SH2D4A: variants seen among roughly 807,000 people sequenced by gnomAD.
SH2D4A encodes SH2 domain containing 4A, also known as SH2 domain-containing protein 4A.
SH2D4A carries 70 observed loss-of-function variants against 64.7 expected under a neutral mutation model. The ratio of observed to expected loss-of-function variants is 1.08; its 90% CI spans 0.89 to 1.32. The LOEUF is 1.32. SH2D4A is among the 40% of genes most tolerant of loss of function. The pLI is 0.00. For synonymous variants in SH2D4A, 268 were observed against 200.7 expected, an observed-to-expected ratio of 1.34 and a Z score of -2.83; for missense variants, 706 against 540.1, an observed-to-expected ratio of 1.31 and a Z score of -3.04.
At chr8:19,391,817 C>G (rs2053497856) in intron 8 of SH2D4A, among the ~76,000 whole-genome samples, 1 of 152,216 alleles carries the variant, frequency 6.6e-6, no homozygotes, top group Admixed American at 6.5e-5. Flanking sequence ...GCTGTACTAA[C>G]AAGACAAAAG....
At chr8:19,393,653 A>T in intron 9 of SH2D4A, 112 bp downstream of exon 9, 4 of 918,068 alleles carry the variant, frequency 4.4e-6, no homozygotes, top group African/African-American at 1.7e-5. Context: ...GGGAGGGGAC[A>T]GGGGTGGGGG....
At chr8:19,374,695 C>A (rs2053164274) in intron 8 of SH2D4A, among the ~76,000 whole-genome samples, 1 of 152,156 alleles carries the variant, frequency 6.6e-6, no homozygotes, top group Non-Finnish European at 1.5e-5. Context: ...TTTGGTGATT[C>A]AGACTTTGTT....
chr8:19,342,945 C>T (rs750153762), intron 4 of SH2D4A, among the ~76,000 whole-genome samples: 15 of 152,142 alleles, frequency 9.9e-5, no homozygotes, highest in Non-Finnish European at 1.8e-4. Flanking sequence ...TCATTCACCT[C>T]GGTGGTGTTT....
intron 4 of SH2D4A, among the ~76,000 whole-genome samples, chr8:19,346,686 T>A (rs530076601): frequency 1.3e-5 from 2 of 152,276 alleles, no homozygotes; most frequent in African/African-American, 4.8e-5. Context: ...AGGGATCCGT[T>A]TCTTCTGTAG....
chr8:19,378,854 A>G (rs1164219802), intron 8 of SH2D4A, among the ~76,000 whole-genome samples: 2 of 149,622 alleles, frequency 1.3e-5, no homozygotes, highest in Non-Finnish European at 3.0e-5. Flanking sequence ...GAGATCAGCA[A>G]CTTAAACATG....
chr8:19,366,669 G>T (rs2053000271), intron 7 of SH2D4A, among the ~76,000 whole-genome samples: 1 of 152,150 alleles, frequency 6.6e-6, no homozygotes, highest in Admixed American at 6.6e-5. Flanking sequence ...GCGTGCACCT[G>T]TAATTCCAGC....
intron 8 of SH2D4A, among the ~76,000 whole-genome samples, chr8:19,384,923 T>C (rs10091482): frequency 0.057 from 8,673 of 152,202 alleles, 832 homozygotes; most frequent in African/African-American, 0.2. Context: ...TATAAACAAG[T>C]TTATGATTTA....
intron 6 of SH2D4A, among the ~76,000 whole-genome samples, chr8:19,362,198 G>A (rs888554900): frequency 6.6e-6 from 1 of 152,174 alleles, no homozygotes; most frequent in African/African-American, 2.4e-5. Context: ...CAACTACTGT[G>A]AAATGAAAAT....
intron 8 of SH2D4A, among the ~76,000 whole-genome samples, chr8:19,390,037 T>G (rs967970250): frequency 6.6e-6 from 1 of 152,030 alleles, no homozygotes; most frequent in African/African-American, 2.4e-5. Flanking sequence ...TCAGAATTCT[T>G]AGAGTTGTGC....
chr8:19,394,680 GC>G lies in SH2D4A; in HGVS notation c.*39del. 6.6e-7 allele frequency: 1 copy of G among 1,526,028 alleles called. No homozygotes were observed. The allele number at this position is 1,526,028 out of a possible 1,614,324, so 94.5% of individuals were successfully genotyped here. A position where few individuals can be genotyped will look rare whatever the true frequency, so the allele number is the denominator to read the frequency against. On this transcript the variant is annotated 3_prime_UTR_variant, in exon 10 of 10. Transcript: ENST00000265807. ...GGGTCATCCTACAGCCTCCAAGCGG[GC>G]TTTCCCCTGGACAAATGCCACTGCA...
intron 4 of SH2D4A, among the ~76,000 whole-genome samples, chr8:19,355,322 C>A (rs1012016424): frequency 1.3e-4 from 20 of 152,110 alleles, no homozygotes; most frequent in Admixed American, 1.2e-3. Context: ...TTTTAAAAGT[C>A]ATCTTGGACT....
intron 2 of SH2D4A, among the ~76,000 whole-genome samples, chr8:19,324,615 A>G (rs1257725708): frequency 1.3e-5 from 2 of 151,922 alleles, no homozygotes; most frequent in Non-Finnish European, 2.9e-5. Flanking sequence ...CCCAGTCACG[A>G]GTGTCTTGCT....
At chr8:19,359,133 T>TA (rs1179054088) in intron 5 of SH2D4A, among the ~76,000 whole-genome samples, 1 of 152,210 alleles carries the variant, frequency 6.6e-6, no homozygotes, top group Non-Finnish European at 1.5e-5. Flanking sequence ...ACAAGTTCCT[T>TA]ACGTTTTCTA....
Position 19,394,605 on chromosome 8 carries a change from A to G in SH2D4A, c.1328A>G (p.Gln443Arg), listed in dbSNP as rs1378457576. 8.1e-6 allele frequency: 13 copies of G among 1,611,494 alleles called. No individual in the cohort carries two copies. Among genetic ancestry groups the G allele is most frequent in the Non-Finnish European group, 1.1e-5 (13 of 1,178,510 alleles). ...KELLLYPCGQ[Q>R]DQLPDYLELF... Reference sequence around the variant, plus strand: ...CTCCTTCTCTATCCCTGTGGTCAGCAGGACCAGCTGCCTGACTACCTGGAG... The same window carrying G: ...CTCCTTCTCTATCCCTGTGGTCAGCGGGACCAGCTGCCTGACTACCTGGAG... The change falls in exon 10 of 10, where the codon CAG becomes CGG. Residue 443 changes from glutamine to arginine, a missense_variant. Transcript: ENST00000265807.
At chr8:19,372,256 T>C (rs1261203671) in intron 7 of SH2D4A, among the ~76,000 whole-genome samples, 1 of 152,278 alleles carries the variant, frequency 6.6e-6, no homozygotes, top group South Asian at 2.1e-4. Context: ...ATCTCAGCAC[T>C]AGAGGGCGCT....
intron 8 of SH2D4A, among the ~76,000 whole-genome samples, chr8:19,392,538 C>G: frequency 6.6e-6 from 1 of 151,900 alleles, no homozygotes; most frequent in Non-Finnish European, 1.5e-5. Context: ...GAACCACTGT[C>G]CTAGACCAAG....
At chr8:19,362,567 C>T (rs139907950) in intron 6 of SH2D4A, among the ~76,000 whole-genome samples, 1 of 151,996 alleles carries the variant, frequency 6.6e-6, no homozygotes, top group African/African-American at 2.4e-5. Flanking sequence ...TGGTGAAACT[C>T]CATCTCTACT....
At chr8:19,325,895 A>G (rs2052270852) in intron 2 of SH2D4A, among the ~76,000 whole-genome samples, 2 of 152,260 alleles carry the variant, frequency 1.3e-5, no homozygotes, top group South Asian at 4.1e-4. Flanking sequence ...CTTGGCCTTC[A>G]TTAAAATGAA....
At position 19,334,771 on chromosome 8, in the gene SH2D4A, A is replaced by C. The variant is rs755885782; in HGVS notation, c.427A>C (p.Lys143Gln). The change falls in exon 4 of 10, where the codon AAA becomes CAA. Residue 143 changes from lysine (K) to glutamine (Q), a missense_variant. Coordinates refer to ENST00000265807, the MANE Select transcript of SH2D4A (RefSeq NM_022071.4). ...GCAGGCTCCGGATAACCAGCAGACT[A>C]AAGACATCTGGAAGAAAGTGGCAGA... ...DLQAPDNQQT[K>Q]DIWKKVAEKE... 6.2e-7 allele frequency: 1 copy of C among 1,614,168 alleles called. No homozygotes were observed. The highest frequency in any genetic ancestry group is 1.7e-5 in the Admixed American group (1 of 60,024).
Sources: allele counts gnomAD v4.1 joint callset (sites outside exome capture counted in the v4.1 genomes callset), GRCh38; gene constraint gnomAD v4.1.1; transcripts MANE v1.5; gene names NCBI Gene and HGNC (gene_info 2026-07-23, HGNC 2026-07-21).